Variants in OTUD4 observed in about 807,000 individuals in gnomAD.
OTUD4 encodes the protein OTU deubiquitinase 4, also known as OTU domain-containing protein 4.
OTUD4 carries 24 observed loss-of-function variants against 130.4 expected under a neutral mutation model. The observed-to-expected ratio is 0.18, with a 90% CI of 0.13 to 0.26. The LOEUF is 0.26. Among genes scored for constraint, OTUD4 ranks in the 10% least tolerant of loss-of-function variants. The pLI is 1.00. For synonymous variants in OTUD4, 420 were observed against 472.5 expected, an observed-to-expected ratio of 0.89 and a Z score of 1.44; for missense variants, 1,031 against 1,329.4, an observed-to-expected ratio of 0.78 and a Z score of 3.49.
chr4:145,138,467 T>C lies in OTUD4; in HGVS notation c.2308A>G (p.Met770Val), dbSNP rs1258706964. Reference sequence around the variant, plus strand: ...CCATTAACACTGGCCTCAGTCTGCATAGGAAAGTGGGCATCAGTACAGGTA... The same window carrying C: ...CCATTAACACTGGCCTCAGTCTGCACAGGAAAGTGGGCATCAGTACAGGTA... ...DCTCTDAHFP[M>V]QTEASVNGQM... The change falls in exon 21 of 21, where the codon ATG (methionine) becomes GTG (valine). Residue 770 changes from methionine (M) to valine (V), a missense_variant. Transcript: ENST00000447906. 5 of 1,614,146 alleles carry C rather than the reference T, an allele frequency of 3.1e-6. No individual in the cohort carries two copies. Among genetic ancestry groups the C allele is most frequent in the Non-Finnish European group, 4.2e-6 (5 of 1,180,008 alleles).
intron 3 of OTUD4, 117 bp from the exon 4 acceptor site, chr4:145,165,314 T>G (rs1751793640): frequency 1.2e-5 from 7 of 596,118 alleles, no homozygotes; most frequent in South Asian, 8.0e-5. Flanking sequence ...CTCATTATTA[T>G]TAGTAGTATT....
At position 145,138,526 on chromosome 4, in the gene OTUD4, T is replaced by C; in HGVS notation, c.2249A>G (p.Gln750Arg). 1 of 1,614,182 alleles carries C rather than the reference T, an allele frequency of 6.2e-7. No individual in the cohort carries two copies. The highest frequency in any genetic ancestry group is 8.5e-7 in the Non-Finnish European group (1 of 1,180,040). ...TTCATTCTGAGCAGCAGGAGCCTCT[T>C]GGAACCAGGGATTATGAGGATAAAC... ...VPVYPHNPWF[Q>R]EAPAAQNESD... The change falls in exon 21 of 21, where the codon CAA becomes CGA. Residue 750 changes from glutamine to arginine, a missense_variant. This residue lies in a region of OTUD4 where 900 missense variants were observed against 1,095.9 expected (regional missense o/e 0.82). Transcript: ENST00000447906.
At chr4:145,147,964 AT>A (rs1428797899) in intron 13 of OTUD4, among the ~76,000 whole-genome samples, 1 of 152,214 alleles carries the variant, frequency 6.6e-6, no homozygotes, top group East Asian at 1.9e-4. Context: ...CATTAGTAAA[AT>A]TCACTCACAC....
chr4:145,149,998 T>C (rs1338186530), intron 13 of OTUD4, among the ~76,000 whole-genome samples: 1 of 152,240 alleles, frequency 6.6e-6, no homozygotes, highest in Admixed American at 6.5e-5. Flanking sequence ...TAAAAGTTCA[T>C]CTGCCTCTGG....
At chr4:145,174,621 CA>C in intron 2 of OTUD4, 39 bp downstream of exon 2, 1 of 1,163,784 alleles carries the variant, frequency 8.6e-7, no homozygotes, top group Non-Finnish European at 1.3e-6. Context: ...AATGTAAAAC[CA>C]AGTCAAGACA....
intron 1 of OTUD4, among the ~76,000 whole-genome samples, chr4:145,179,167 C>T (rs532006713): frequency 6.6e-6 from 1 of 152,316 alleles, no homozygotes; most frequent in South Asian, 2.1e-4. Flanking sequence ...AACATCAAAA[C>T]AGGCTTTTTT....
chr4:145,145,266 G>A (rs1310878836), intron 14 of OTUD4, among the ~76,000 whole-genome samples: 1 of 152,176 alleles, frequency 6.6e-6, no homozygotes, highest in Non-Finnish European at 1.5e-5. Context: ...TGACATGAGA[G>A]ATAAATGTAC....
intron 7 of OTUD4, among the ~76,000 whole-genome samples, chr4:145,156,245 T>C (rs1488293814): frequency 6.6e-6 from 1 of 152,150 alleles, no homozygotes; most frequent in African/African-American, 2.4e-5. Flanking sequence ...AAACATAAAC[T>C]GTGAAATTTG....
chr4:145,176,214 A>G (rs1233500484), intron 1 of OTUD4, among the ~76,000 whole-genome samples: 2 of 151,456 alleles, frequency 1.3e-5, no homozygotes, highest in Non-Finnish European at 2.9e-5. Context: ...CAATTATTTA[A>G]CATGCTTAAA....
intron 6 of OTUD4, among the ~76,000 whole-genome samples, chr4:145,161,325 G>A (rs1751553751): frequency 6.6e-6 from 1 of 152,138 alleles, no homozygotes; most frequent in Non-Finnish European, 1.5e-5. Flanking sequence ...TCCAGATTGT[G>A]ACTAGCTAGG....
chr4:145,135,277 TTC>T lies in OTUD4; in HGVS notation c.*2151_*2152del, dbSNP rs1304685123. ...ATCAGTGTTTCCTTCAGGAGCTATATTCTGTTACTCAATTGAGGTAAGACAAA... is the reference window on the plus strand; with the variant it reads ...ATCAGTGTTTCCTTCAGGAGCTATATTGTTACTCAATTGAGGTAAGACAAA... On this transcript the variant is annotated 3_prime_UTR_variant, in exon 21 of 21. Coordinates refer to ENST00000447906, the MANE Select transcript of OTUD4 (RefSeq NM_001366057.1). 1.3e-5 allele frequency: 2 copies of T among 156,756 alleles called. No individual in the cohort carries two copies. Among genetic ancestry groups the T allele is most frequent in the African/African-American group, 4.8e-5 (2 of 41,626 alleles). The allele number at this position is 156,756 out of a possible 1,614,324, so 9.7% of individuals were successfully genotyped here. A position where few individuals can be genotyped will look rare whatever the true frequency, so the allele number is the denominator to read the frequency against.
chr4:145,133,864 C>T lies in OTUD4; in HGVS notation c.*3566G>A, dbSNP rs1457474244. 6.6e-6 allele frequency: 1 copy of T among 152,592 alleles called. No homozygotes were observed. Among genetic ancestry groups the T allele is most frequent in the East Asian group, 1.9e-4 (1 of 5,200 alleles). 9.5% of individuals were successfully genotyped at this position (152,592 alleles called of 1,614,324 possible). ...AAGTACTAGTTTCCTTTTAACACTTCAAAAGATATGTATATATACTTTTTT... is the reference window on the plus strand; with the variant it reads ...AAGTACTAGTTTCCTTTTAACACTTTAAAAGATATGTATATATACTTTTTT... On this transcript the variant is annotated 3_prime_UTR_variant, in exon 21 of 21. Transcript: ENST00000447906.
intron 7 of OTUD4, among the ~76,000 whole-genome samples, chr4:145,158,647 C>A (rs1751412287): frequency 6.6e-6 from 1 of 152,184 alleles, no homozygotes; most frequent in Non-Finnish European, 1.5e-5. Flanking sequence ...ACAATCCTTT[C>A]ATATTCTCAT....
intron 3 of OTUD4, among the ~76,000 whole-genome samples, chr4:145,166,446 T>C (rs995110341): frequency 1.3e-5 from 2 of 151,808 alleles, no homozygotes; most frequent in African/African-American, 4.8e-5. Context: ...ATATTTCACA[T>C]CTACAAAAGT....
At position 145,136,934 on chromosome 4, in the gene OTUD4, T is replaced by C. The variant is rs1750300814; in HGVS notation, c.*496A>G. 6.5e-6 allele frequency: 1 copy of C among 152,784 alleles called. No individual in the cohort carries two copies. Among genetic ancestry groups the C allele is most frequent in the Non-Finnish European group, 1.5e-5 (1 of 68,158 alleles). The allele number at this position is 152,784 out of a possible 1,614,324, so 9.5% of individuals were successfully genotyped here. ...AACAGTGTTTTAGGCTGAGAATTGT[T>C]TGAGCCCAGTTTATGACTAAGGCAT... On this transcript the variant is annotated 3_prime_UTR_variant, in exon 21 of 21. Transcript: ENST00000447906.
chr4:145,139,025 A>G (rs1470498015), intron 20 of OTUD4, among the ~76,000 whole-genome samples: 5 of 152,190 alleles, frequency 3.3e-5, no homozygotes, highest in African/African-American at 1.2e-4. Flanking sequence ...ATGTCAGTAT[A>G]AGAGTAGATG....
At chr4:145,146,501 CAAA>C (rs369472707) in intron 13 of OTUD4, 72 bp from the exon 14 acceptor site, 5 of 595,186 alleles carry the variant, frequency 8.4e-6, no homozygotes, top group African/African-American at 7.3e-5. Context: ...ACATTCTTGT[CAAA>C]AAAAAAAAAC....
Position 145,138,269 on chromosome 4 carries a change from T to C in OTUD4, c.2506A>G (p.Met836Val), listed in dbSNP as rs765227469. 15 of 1,613,852 alleles carry C rather than the reference T, an allele frequency of 9.3e-6. No homozygotes were observed. In the South Asian group the frequency reaches 1.2e-4, roughly 13 times the overall value. Residue 836 changes from methionine (M) to valine (V), a missense_variant, in exon 21 of 21, where the codon ATG becomes GTG. Coordinates refer to ENST00000447906, the MANE Select transcript of OTUD4 (RefSeq NM_001366057.1). ...DYEESLSGKN[M>V]FPQPSFGPNP... ...GGTCCAAAAGATGGCTGGGGGAACA[T>C]ATTCTTGCCACTTAGTGACTCTTCA... is the stretch of plus-strand genomic sequence containing the variant.
intron 1 of OTUD4, chr4:145,179,591 A>C: frequency 7.3e-7 from 1 of 1,373,082 alleles, no homozygotes; most frequent in Non-Finnish European, 9.3e-7. Context: ...CTTCATCAGG[A>C]GAGAGACACC....
Sources: allele counts gnomAD v4.1 joint callset (sites outside exome capture counted in the v4.1 genomes callset), GRCh38; gene constraint gnomAD v4.1.1; regional missense constraint gnomAD v4.1.1; transcripts MANE v1.5; gene names NCBI Gene and HGNC (gene_info 2026-07-23, HGNC 2026-07-21).